FGF14: variants seen among roughly 807,000 people sequenced by gnomAD.
FGF14 encodes fibroblast growth factor 14.
FGF14 carries 5 observed loss-of-function variants against 25.5 expected under a neutral mutation model. That is an observed-to-expected ratio of 0.20 (90% CI 0.10 to 0.41). The LOEUF is 0.41. FGF14 is among the 10% of genes least tolerant of loss of function. The pLI is 1.00. For synonymous variants in FGF14, 138 were observed against 118.3 expected, an observed-to-expected ratio of 1.17 and a Z score of -1.08; for missense variants, 222 against 320.1, an observed-to-expected ratio of 0.69 and a Z score of 2.34.
chr13:102,186,456 C>A lies in FGF14; in HGVS notation c.208+215015G>T, dbSNP rs561709235. Reference sequence around the variant, plus strand: ...TATCCTCATGGTCCTTTTACAACAACTACAAAACTAAAAATTAATTTATAC... The same window carrying A: ...TATCCTCATGGTCCTTTTACAACAAATACAAAACTAAAAATTAATTTATAC... On this transcript the variant is annotated intron_variant, in intron 1 of 4. Transcript: ENST00000376131. Among the ~76,000 whole-genome samples, 96 of 152,126 alleles carry A rather than the reference C, an allele frequency of 6.3e-4. 2 individuals are homozygous for A. The Middle Eastern group carries it at 0.01, about 16-fold the overall frequency.
chr13:101,738,523 C>A (rs2036326759), intron 3 of FGF14, among the ~76,000 whole-genome samples: 1 of 152,006 alleles, frequency 6.6e-6, no homozygotes, highest in South Asian at 2.1e-4. Context: ...TTGATAATTC[C>A]AAAGGTTAAC....
chr13:101,979,079 G>A (rs1363973223), intron 1 of FGF14, among the ~76,000 whole-genome samples: 3 of 152,190 alleles, frequency 2.0e-5, no homozygotes, highest in Non-Finnish European at 4.4e-5. Flanking sequence ...GCAAGGAGGG[G>A]TTGTGGTATG....
intron 1 of FGF14, among the ~76,000 whole-genome samples, chr13:101,942,557 A>C (rs888451106): frequency 4.6e-5 from 7 of 152,188 alleles, no homozygotes; most frequent in South Asian, 2.1e-4. Flanking sequence ...TGCAAATTAT[A>C]TCTCTCTGAG....
chr13:101,907,510 C>T (rs1049211662), intron 1 of FGF14, among the ~76,000 whole-genome samples: 33 of 152,016 alleles, frequency 2.2e-4, no homozygotes, highest in Middle Eastern at 3.2e-3. Flanking sequence ...GAACTGAAAA[C>T]AGAATCTTGA....
intron 4 of FGF14, 129 bp from the exon 5 acceptor site, chr13:101,723,096 T>C (rs1370286623): frequency 6.6e-6 from 7 of 1,061,554 alleles, no homozygotes; most frequent in African/African-American, 1.6e-5. Flanking sequence ...AGCAATTCCA[T>C]TGAGACAGAA....
chr13:101,746,203 A>C (rs2139812170), intron 3 of FGF14, among the ~76,000 whole-genome samples: 1 of 152,044 alleles, frequency 6.6e-6, no homozygotes, highest in East Asian at 1.9e-4. Context: ...GGTTTTGTGC[A>C]ATTTCTTCAT....
intron 1 of FGF14, among the ~76,000 whole-genome samples, chr13:102,123,177 C>T (rs748999238): frequency 6.6e-6 from 1 of 152,030 alleles, no homozygotes; most frequent in Admixed American, 6.6e-5. Context: ...AACCAAATCA[C>T]AGAAAGATTA....
chr13:101,952,806 G>A (rs561376601), intron 1 of FGF14, among the ~76,000 whole-genome samples: 24 of 152,276 alleles, frequency 1.6e-4, no homozygotes, highest in African/African-American at 4.3e-4. Context: ...CAAGGCAGGC[G>A]GATTACCTGA....
At chr13:102,083,095 G>T (rs1475262038) in intron 1 of FGF14, among the ~76,000 whole-genome samples, 1 of 152,226 alleles carries the variant, frequency 6.6e-6, no homozygotes, top group Non-Finnish European at 1.5e-5. Context: ...AACCTGGAGT[G>T]TTCCTTGATA....
intron 3 of FGF14, among the ~76,000 whole-genome samples, chr13:101,810,540 C>A (rs529847184): frequency 9.2e-5 from 14 of 152,234 alleles, no homozygotes; most frequent in African/African-American, 3.4e-4. Flanking sequence ...TCTTAGAGAT[C>A]TCCTGCTTCG....
At chr13:101,867,670 T>C (rs1480032808) in intron 3 of FGF14, among the ~76,000 whole-genome samples, 2 of 152,126 alleles carry the variant, frequency 1.3e-5, no homozygotes, top group East Asian at 3.9e-4. Context: ...TGCATATTCG[T>C]CTTGTGCGAG....
intron 1 of FGF14, among the ~76,000 whole-genome samples, chr13:102,275,315 A>G (rs940229973): frequency 4.1e-5 from 6 of 146,142 alleles, no homozygotes; most frequent in African/African-American, 1.5e-4. Context: ...AAGGGGTCAT[A>G]TTTGTTTTGG....
chr13:101,922,056 C>T (rs1191543030), intron 1 of FGF14, among the ~76,000 whole-genome samples: 1 of 152,102 alleles, frequency 6.6e-6, no homozygotes, highest in Non-Finnish European at 1.5e-5. Flanking sequence ...TGCCACATAT[C>T]CAGTGTTTAA....
At chr13:102,182,206 G>A (rs73565507) in intron 1 of FGF14, among the ~76,000 whole-genome samples, 10 of 152,206 alleles carry the variant, frequency 6.6e-5, no homozygotes, top group African/African-American at 1.7e-4. Context: ...TTACAGAGAC[G>A]CTACATTCCC....
intron 1 of FGF14, among the ~76,000 whole-genome samples, chr13:102,024,495 T>TTG (rs33929646): frequency 0.49 from 74,703 of 151,450 alleles, 21,220 homozygotes; most frequent in African/African-American, 0.77. Context: ...GTCTGTGTTT[T>TTG]TACATTCTGA....
At chr13:102,069,293 T>C (rs2043050042) in intron 1 of FGF14, among the ~76,000 whole-genome samples, 1 of 152,116 alleles carries the variant, frequency 6.6e-6, no homozygotes, top group South Asian at 2.1e-4. Context: ...AGAACCTTTG[T>C]ATCTAGCTCA....
intron 1 of FGF14, among the ~76,000 whole-genome samples, chr13:102,226,133 C>G (rs1392191416): frequency 6.6e-6 from 1 of 152,210 alleles, no homozygotes; most frequent in Admixed American, 6.5e-5. Context: ...CCGTCCCTTA[C>G]AGCACACTTC....
In FGF14 at chr13:102,128,543, T is replaced by C. The variant is rs537572618; in HGVS notation, c.209-253247A>G. Among the ~76,000 whole-genome samples, 4 of 152,346 alleles carry C rather than the reference T, an allele frequency of 2.6e-5. No individual in the cohort carries two copies. The Middle Eastern group carries it at 0.01, about 389-fold the overall frequency. On this transcript the variant is annotated intron_variant, in intron 1 of 4. Transcript: ENST00000376131. ...CAAACTTACTGGGCTTTTAACCACA[T>C]GACTCACCCCAATGTGAGTGCTAAT...
Position 102,324,306 on chromosome 13 carries a change from A to G in FGF14, c.208+77165T>C, listed in dbSNP as rs746018080. Among the ~76,000 whole-genome samples the G allele has an allele frequency of 1.5e-4, 23 of 152,290 alleles. 1 individual carries two copies. Among genetic ancestry groups the G allele is most frequent in the Admixed American group, 3.9e-4 (6 of 15,278 alleles). ...GATGAAGAGCTTGGGCTCTAGGGTT[A>G]GACTGACTGGGTTCAAATTCTGTTT... On this transcript the variant is annotated intron_variant, in intron 1 of 4. Coordinates refer to the FGF14 transcript ENST00000376131.
Sources: allele counts gnomAD v4.1 joint callset (sites outside exome capture counted in the v4.1 genomes callset), GRCh38; gene constraint gnomAD v4.1.1; transcripts MANE v1.5; gene names NCBI Gene and HGNC (gene_info 2026-07-23, HGNC 2026-07-21).